The following FHOD3 variants were observed in gnomAD, a reference collection of about 807,000 sequenced individuals.
The protein encoded by FHOD3 is FH1/FH2 domain-containing protein 3.
A neutral mutation model predicts 173.0 loss-of-function variants in FHOD3; 90 were observed. That is an observed-to-expected ratio of 0.52 (90% CI 0.44 to 0.62). FHOD3 has a LOEUF of 0.62. Ranked by LOEUF, FHOD3 falls within the 20% of genes least tolerant of loss-of-function variation. The pLI, the probability that FHOD3 is intolerant of heterozygous loss-of-function variation, is 0.00. For missense variants in FHOD3, 1,945 were observed against 2,034.7 expected (o/e 0.96, Z 0.85); for synonymous variants, 828 against 823.0 (o/e 1.01, Z -0.10).
intron 17 of FHOD3, 26 bp downstream of exon 17, chr18:36,693,449 A>G: frequency 6.3e-7 from 1 of 1,598,898 alleles, no homozygotes; most frequent in African/African-American, 1.3e-5. Flanking sequence ...GTAGAGGGAA[A>G]ATGAACAGGT....
At chr18:36,313,428 G>T (rs1555667167) in intron 1 of FHOD3, among the ~76,000 whole-genome samples, 1 of 152,118 alleles carries the variant, frequency 6.6e-6, no homozygotes, top group Non-Finnish European at 1.5e-5. Flanking sequence ...ATTATCTCGG[G>T]CCACCCTTTT....
intron 8 of FHOD3, among the ~76,000 whole-genome samples, chr18:36,608,017 A>G (rs769409685): frequency 6.6e-6 from 1 of 152,204 alleles, no homozygotes; most frequent in Non-Finnish European, 1.5e-5. Context: ...AGTCAACCAG[A>G]TAATGCTCTA....
intron 3 of FHOD3, among the ~76,000 whole-genome samples, chr18:36,431,654 A>G (rs1356037064): frequency 1.3e-5 from 2 of 152,200 alleles, no homozygotes; most frequent in Non-Finnish European, 1.5e-5. Context: ...TACTTGGACA[A>G]TGTACATTTT....
intron 18 of FHOD3, among the ~76,000 whole-genome samples, chr18:36,716,308 G>A (rs925292579): frequency 5.9e-5 from 9 of 152,154 alleles, no homozygotes; most frequent in Non-Finnish European, 1.3e-4. Context: ...GCTGGATTCT[G>A]GATATGACAT....
chr18:36,313,815 C>G (rs2092307768), intron 1 of FHOD3, among the ~76,000 whole-genome samples: 1 of 151,966 alleles, frequency 6.6e-6, no homozygotes, highest in Non-Finnish European at 1.5e-5. Context: ...AGATAATTAC[C>G]TGGCTCTCTC....
intron 14 of FHOD3, among the ~76,000 whole-genome samples, chr18:36,679,046 A>AT (rs1026231197): frequency 2.6e-5 from 4 of 151,666 alleles, no homozygotes; most frequent in Non-Finnish European, 5.9e-5. Flanking sequence ...ACTTTCGTGG[A>AT]TTTTTTTTCA....
chr18:36,302,979 A>G (rs1469777081), intron 1 of FHOD3, among the ~76,000 whole-genome samples: 3 of 152,236 alleles, frequency 2.0e-5, no homozygotes, highest in Non-Finnish European at 2.9e-5. Context: ...GCCACAGACC[A>G]TATCGGTAAC....
chr18:36,405,038 C>T (rs1568228170), intron 3 of FHOD3, among the ~76,000 whole-genome samples: 1 of 152,136 alleles, frequency 6.6e-6, no homozygotes, highest in Non-Finnish European at 1.5e-5. Flanking sequence ...GGCTGAGAAC[C>T]ACTGAGCTAA....
chr18:36,407,249 C>G (rs1398952), intron 3 of FHOD3, among the ~76,000 whole-genome samples: 24,516 of 152,142 alleles, frequency 0.16, 2,174 homozygotes, highest in Middle Eastern at 0.34. Flanking sequence ...GGCCACAGAG[C>G]TTTTTTGGGT....
intron 3 of FHOD3, among the ~76,000 whole-genome samples, chr18:36,418,409 A>G (rs1478931541): frequency 1.3e-5 from 2 of 152,220 alleles, no homozygotes; most frequent in Admixed American, 1.3e-4. Flanking sequence ...TTGCTTTTGC[A>G]AAAGCAATTT....
At chr18:36,637,302 G>A (rs1344442786) in intron 10 of FHOD3, among the ~76,000 whole-genome samples, 1 of 152,102 alleles carries the variant, frequency 6.6e-6, no homozygotes, top group African/African-American at 2.4e-5. Context: ...TTTTGTTTTT[G>A]TTTGTTTTGG....
At chr18:36,682,867 C>T (rs966927820) in intron 15 of FHOD3, among the ~76,000 whole-genome samples, 5 of 152,200 alleles carry the variant, frequency 3.3e-5, no homozygotes, top group Admixed American at 1.3e-4. Flanking sequence ...GCATAAGCCA[C>T]CATGCCCAGC....
intron 16 of FHOD3, among the ~76,000 whole-genome samples, chr18:36,687,416 A>G (rs927279882): frequency 4.6e-5 from 7 of 152,204 alleles, no homozygotes; most frequent in African/African-American, 1.7e-4. Flanking sequence ...CGTTTATGTT[A>G]GCATAATGAC....
chr18:36,532,382 A>C (rs966446858), intron 5 of FHOD3, among the ~76,000 whole-genome samples: 1 of 152,174 alleles, frequency 6.6e-6, no homozygotes, highest in African/African-American at 2.4e-5. Flanking sequence ...TCCCTGGAAG[A>C]GAGAAGGAAG....
At chr18:36,511,848 C>T (rs573260409) in intron 4 of FHOD3, among the ~76,000 whole-genome samples, 1 of 152,316 alleles carries the variant, frequency 6.6e-6, no homozygotes, top group Non-Finnish European at 1.5e-5. Flanking sequence ...GCGGTCCTTT[C>T]GAGGGATTGC....
intron 10 of FHOD3, among the ~76,000 whole-genome samples, chr18:36,648,589 C>T (rs2035842268): frequency 6.6e-6 from 1 of 152,144 alleles, no homozygotes. Flanking sequence ...GGACTGCTTT[C>T]CTCTCCTTTT....
At chr18:36,561,188 A>G (rs1381966595) in intron 5 of FHOD3, among the ~76,000 whole-genome samples, 1 of 152,244 alleles carries the variant, frequency 6.6e-6, no homozygotes, top group African/African-American at 2.4e-5. Flanking sequence ...CAGAAATGAA[A>G]GCAAAATACT....
At chr18:36,762,060 T>C (rs1458453769) in intron 27 of FHOD3, among the ~76,000 whole-genome samples, 1 of 152,126 alleles carries the variant, frequency 6.6e-6, no homozygotes, top group Non-Finnish European at 1.5e-5. Context: ...AGGGCTGCAG[T>C]CTGGAGAAAC....
chr18:36,462,515 T>A (rs1466244373), intron 3 of FHOD3, among the ~76,000 whole-genome samples: 1 of 152,102 alleles, frequency 6.6e-6, no homozygotes, highest in Non-Finnish European at 1.5e-5. Context: ...GTGTTTTTAG[T>A]AGAGATGGGG....
Sources: gnomAD v4.1 joint callset for allele counts (sites outside exome capture counted in the v4.1 genomes callset) on GRCh38, gnomAD v4.1.1 for gene constraint, MANE v1.5 for transcripts, NCBI Gene and HGNC (gene_info 2026-07-23, HGNC 2026-07-21) for gene names.